Variants in DLG2 observed in about 807,000 individuals in gnomAD.
The protein encoded by DLG2 is disks large homolog 2.
Under a neutral mutation model 132.5 loss-of-function variants are expected in DLG2, and 45 were observed. The observed-to-expected ratio is 0.34, with a 90% CI of 0.27 to 0.44. The LOEUF (loss-of-function observed/expected upper bound fraction) is 0.44. Ranked by LOEUF, DLG2 falls within the 20% of genes least tolerant of loss-of-function variation. DLG2 has a pLI of 1.00. For missense variants in DLG2, 1,045 were observed against 1,196.9 expected (o/e 0.87, Z 1.87); for synonymous variants, 424 against 419.6 (o/e 1.01, Z -0.13).
intron 18 of DLG2, among the ~76,000 whole-genome samples, chr11:83,748,234 C>T (rs544165437): frequency 6.6e-6 from 1 of 152,158 alleles, no homozygotes; most frequent in Non-Finnish European, 1.5e-5. Context: ...CATGTTCTCC[C>T]AGGACGATAT....
chr11:84,222,064 C>T (rs932077443), intron 8 of DLG2, among the ~76,000 whole-genome samples: 3 of 151,934 alleles, frequency 2.0e-5, no homozygotes, highest in African/African-American at 7.3e-5. Context: ...CAGACTTTCA[C>T]TCTTGTTGCC....
At chr11:85,583,150 A>ATG (rs2078723342) in intron 3 of DLG2, among the ~76,000 whole-genome samples, 1 of 115,008 alleles carries the variant, frequency 8.7e-6, no homozygotes, top group Non-Finnish European at 1.8e-5. Context: ...ATATATATAT[A>ATG]TATATATATA....
At chr11:84,694,198 T>C (rs1309072855) in intron 6 of DLG2, among the ~76,000 whole-genome samples, 3 of 151,542 alleles carry the variant, frequency 2.0e-5, no homozygotes, top group Non-Finnish European at 4.4e-5. Flanking sequence ...AAGACTGAGG[T>C]CATCTCAGCC....
intron 6 of DLG2, among the ~76,000 whole-genome samples, chr11:84,715,792 CATTT>C (rs1270508643): frequency 1.3e-5 from 2 of 151,990 alleles, no homozygotes; most frequent in African/African-American, 4.8e-5. Flanking sequence ...TTTCTTCATC[CATTT>C]ATTTGTCAAT....
At chr11:84,799,645 G>A (rs550734382) in intron 6 of DLG2, among the ~76,000 whole-genome samples, 42 of 152,156 alleles carry the variant, frequency 2.8e-4, no homozygotes, top group Admixed American at 4.6e-4. Flanking sequence ...AATTTCTTAC[G>A]TCTAGAGGAA....
intron 6 of DLG2, among the ~76,000 whole-genome samples, chr11:84,564,990 T>C (rs966197228): frequency 1.2e-4 from 18 of 152,196 alleles, no homozygotes; most frequent in Non-Finnish European, 2.1e-4. Context: ...ACAGGTAGAT[T>C]CTCTAAATTC....
chr11:85,598,815 T>C (rs912781471), intron 2 of DLG2, 27 bp from the exon 3 acceptor site: 2 of 627,474 alleles, frequency 3.2e-6, no homozygotes, highest in African/African-American at 3.8e-5. Context: ...TATTATTATA[T>C]TTTATGGTCT....
chr11:84,078,015 A>C (rs148887128), intron 10 of DLG2, among the ~76,000 whole-genome samples: 16 of 152,316 alleles, frequency 1.1e-4, no homozygotes, highest in Admixed American at 3.3e-4. Flanking sequence ...TATGATTATT[A>C]GTGTTATGCA....
At chr11:85,264,466 T>C (rs1440447417) in intron 4 of DLG2, among the ~76,000 whole-genome samples, 1 of 152,120 alleles carries the variant, frequency 6.6e-6, no homozygotes, top group Non-Finnish European at 1.5e-5. Flanking sequence ...AGAACTAAGA[T>C]GGGGTGAAGT....
At chr11:83,716,367 G>A (rs2086704267) in intron 18 of DLG2, among the ~76,000 whole-genome samples, 1 of 152,142 alleles carries the variant, frequency 6.6e-6, no homozygotes, top group South Asian at 2.1e-4. Context: ...CTTACTCTCA[G>A]GCCCTGGCTT....
At position 84,099,804 on chromosome 11, in the gene DLG2, TATATATATCTAAAGAG is replaced by T. The variant is rs1470642531; in HGVS notation, c.625-773_625-758del. Among the ~76,000 whole-genome samples the T allele has an allele frequency of 8.4e-4, 115 of 137,062 alleles. 1 individual carries two copies. The highest frequency in any genetic ancestry group is 2.9e-3 in the African/African-American group (105 of 35,596). 89.9% of individuals were successfully genotyped at this position (137,062 alleles called of 152,430 possible). On this transcript the variant is annotated intron_variant, in intron 9 of 27. Coordinates refer to ENST00000376104, the MANE Select transcript of DLG2 (RefSeq NM_001142699.3). ...CTTTCTAAAGATATATATATAAGGA[TATATATATCTAAAGAG>T]ATATATATATCTAAAGCGATATATA...
chr11:84,669,817 C>T (rs770473617), intron 6 of DLG2, among the ~76,000 whole-genome samples: 144 of 152,160 alleles, frequency 9.5e-4, no homozygotes, highest in Non-Finnish European at 1.7e-3. Context: ...GGAGATCCTC[C>T]ATGACCTCTC....
In DLG2 at chr11:84,706,348, T is replaced by C. The variant is rs151218091; in HGVS notation, c.358-171617A>G. On this transcript the variant is annotated intron_variant, in intron 6 of 27. Transcript: ENST00000376104. ...TTGGGGGCTCTGAAAAGCCAGATTATATACAAGGAAAGATTTCAAACTGTT... is the reference window on the plus strand; with the variant it reads ...TTGGGGGCTCTGAAAAGCCAGATTACATACAAGGAAAGATTTCAAACTGTT... 4.5e-3 allele frequency among the ~76,000 whole-genome samples: 691 copies of C among 151,930 alleles called. 3 individuals carry two copies. The highest frequency in any genetic ancestry group is 7.7e-3 in the Non-Finnish European group (524 of 67,832).
At chr11:84,004,543 A>C (rs2094491517) in intron 11 of DLG2, among the ~76,000 whole-genome samples, 1 of 151,874 alleles carries the variant, frequency 6.6e-6, no homozygotes, top group African/African-American at 2.4e-5. Context: ...GAATGCCCAC[A>C]AAATACTACA....
intron 6 of DLG2, among the ~76,000 whole-genome samples, chr11:84,688,293 A>G (rs1264506990): frequency 6.6e-6 from 1 of 152,182 alleles, no homozygotes; most frequent in Non-Finnish European, 1.5e-5. Context: ...AGGTCTCACC[A>G]CTGCCCACAA....
chr11:85,162,715 G>C (rs1276133117), intron 4 of DLG2, among the ~76,000 whole-genome samples: 2 of 152,264 alleles, frequency 1.3e-5, no homozygotes, highest in East Asian at 3.9e-4. Flanking sequence ...ACAAACAATA[G>C]TTGTATTATG....
At chr11:85,600,876 ATTTAC>A (rs1345777145) in intron 2 of DLG2, among the ~76,000 whole-genome samples, 1 of 152,208 alleles carries the variant, frequency 6.6e-6, no homozygotes, top group African/African-American at 2.4e-5. Context: ...AATTATTAGT[ATTTAC>A]TTTATCACTT....
At chr11:84,384,147 T>A (rs2098759460) in intron 7 of DLG2, among the ~76,000 whole-genome samples, 1 of 149,754 alleles carries the variant, frequency 6.7e-6, no homozygotes, top group Non-Finnish European at 1.5e-5. Context: ...CAAAAGTAAA[T>A]GTGGAAAGCT....
At chr11:83,534,808 T>G (rs2095842633) in intron 20 of DLG2, among the ~76,000 whole-genome samples, 1 of 152,146 alleles carries the variant, frequency 6.6e-6, no homozygotes, top group South Asian at 2.1e-4. Flanking sequence ...CCGGGTGTGT[T>G]GGCGGACACC....
Sources: allele counts gnomAD v4.1 joint callset (sites outside exome capture counted in the v4.1 genomes callset), GRCh38; gene constraint gnomAD v4.1.1; transcripts MANE v1.5; gene names NCBI Gene and HGNC (gene_info 2026-07-23, HGNC 2026-07-21).